ZHX3: variants seen among roughly 807,000 people sequenced by gnomAD.
ZHX3 encodes the protein zinc fingers and homeoboxes protein 3.
In ZHX3, 20 loss-of-function variants were observed where a neutral mutation model predicts 64.5. That is an observed-to-expected ratio of 0.31 (90% CI 0.22 to 0.45). The LOEUF (loss-of-function observed/expected upper bound fraction) is 0.45. Among genes scored for constraint, ZHX3 ranks in the 20% least tolerant of loss-of-function variants. The pLI, the probability that ZHX3 is intolerant of heterozygous loss-of-function variation, is 1.00. For missense variants in ZHX3, 1,041 were observed against 1,195.8 expected, an observed-to-expected ratio of 0.87 and a Z score of 1.91; for synonymous variants, 423 against 461.6, an observed-to-expected ratio of 0.92 and a Z score of 1.07.
At chr20:41,266,844 CTTTTT>C (rs11327834) in intron 2 of ZHX3, among the ~76,000 whole-genome samples, 1 of 76,464 alleles carries the variant, frequency 1.3e-5, no homozygotes, top group Non-Finnish European at 2.7e-5. Context: ...CGTGCCCGGC[CTTTTT>C]TTTTTTTTTT....
chr20:41,215,770 TAAA>T (rs55922605), intron 2 of ZHX3, among the ~76,000 whole-genome samples: 8 of 101,152 alleles, frequency 7.9e-5, no homozygotes, highest in Non-Finnish European at 1.6e-4. Flanking sequence ...ACGTCTCTAC[TAAA>T]AAAAAAAAAA....
intron 2 of ZHX3, among the ~76,000 whole-genome samples, chr20:41,241,084 C>G (rs2041351059): frequency 6.6e-6 from 1 of 152,162 alleles, no homozygotes; most frequent in Non-Finnish European, 1.5e-5. Context: ...TTTAGAGGAA[C>G]CTCCAAACTG....
chr20:41,253,237 G>C (rs558736301), intron 2 of ZHX3, among the ~76,000 whole-genome samples: 3 of 114,206 alleles, frequency 2.6e-5, no homozygotes, highest in Non-Finnish European at 5.1e-5. Context: ...TGGTTTTTGG[G>C]ACTACAGTAA....
intron 2 of ZHX3, among the ~76,000 whole-genome samples, chr20:41,221,218 C>T (rs141510276): frequency 6.2e-4 from 94 of 152,254 alleles, no homozygotes; most frequent in African/African-American, 2.1e-3. Context: ...GTAGTCTGAG[C>T]GTATTTATCA....
intron 2 of ZHX3, among the ~76,000 whole-genome samples, chr20:41,266,597 G>C (rs1217616941): frequency 2.0e-5 from 3 of 150,390 alleles, no homozygotes; most frequent in African/African-American, 7.4e-5. Context: ...CCAGGCTGGA[G>C]TGCAGTGGTG....
At chr20:41,255,150 G>T (rs1469734799) in intron 2 of ZHX3, among the ~76,000 whole-genome samples, 1 of 151,400 alleles carries the variant, frequency 6.6e-6, no homozygotes, top group Non-Finnish European at 1.5e-5. Context: ...TTGAAAAAAT[G>T]ATATATATAT....
At chr20:41,317,458 A>C (rs1431848173) in intron 1 of ZHX3, 51 bp downstream of exon 1, 1 of 149,640 alleles carries the variant, frequency 6.7e-6, no homozygotes, top group Non-Finnish European at 1.5e-5. Context: ...GACACCGGGG[A>C]CTGACAGCCG....
intron 1 of ZHX3, chr20:41,290,668 A>AG (rs2044189790): frequency 6.6e-6 from 1 of 152,250 alleles, no homozygotes; most frequent in Non-Finnish European, 1.5e-5. Context: ...AGAGAGGTGA[A>AG]GGGACCTGCC....
chr20:41,202,875 T>C lies in ZHX3; in HGVS notation c.2042A>G (p.Gln681Arg). Residue 681 changes from glutamine to arginine, a missense_variant, in exon 3 of 4, where the codon CAG becomes CGG. By Grantham distance (43) the Gln-to-Arg change is conservative. This residue lies in a region of ZHX3 where 649 missense variants were observed against 739.8 expected (regional missense o/e 0.88). Transcript: ENST00000683867. This position sits in a 1 kb window ranked among gnomAD's most constrained non-coding sequence, Gnocchi z 7.0. The stretch of plus-strand genomic sequence containing the variant: ...ATCCTCAGCAGCCTCCTCTTCCTCC[T>C]GAGAGGCATTCTCCTCAGCCTTCTT... ...ETKKAEENAS[Q>R]EEEEAAEDEG... 2 of 1,614,166 alleles carry C rather than the reference T, an allele frequency of 1.2e-6. No individual in the cohort carries two copies. The highest frequency in any genetic ancestry group is 4.5e-5 in the East Asian group (2 of 44,868).
At chr20:41,218,803 T>C (rs1161296677) in intron 2 of ZHX3, among the ~76,000 whole-genome samples, 1 of 152,200 alleles carries the variant, frequency 6.6e-6, no homozygotes, top group Non-Finnish European at 1.5e-5. Context: ...AGCCCAGAGC[T>C]GGCCTCAATT....
At chr20:41,237,666 T>C (rs1422950138) in intron 2 of ZHX3, among the ~76,000 whole-genome samples, 1 of 152,136 alleles carries the variant, frequency 6.6e-6, no homozygotes, top group Non-Finnish European at 1.5e-5. Context: ...TAATGTTAAA[T>C]GAAGAGCTAA....
At chr20:41,280,583 T>G (rs2043629271) in intron 1 of ZHX3, among the ~76,000 whole-genome samples, 1 of 152,066 alleles carries the variant, frequency 6.6e-6, no homozygotes, top group Non-Finnish European at 1.5e-5. Context: ...GTTTTTTTGT[T>G]TTTTGTTTTT....
At chr20:41,305,478 C>A (rs1045763547) in intron 1 of ZHX3, among the ~76,000 whole-genome samples, 6 of 151,952 alleles carry the variant, frequency 3.9e-5, no homozygotes, top group African/African-American at 1.5e-4. Flanking sequence ...GGCAACAGAG[C>A]AAGGCCCTGT....
At position 41,185,907 on chromosome 20, in the gene ZHX3, T is replaced by C. The variant is rs953178700; in HGVS notation, c.2861-706A>G. On this transcript the variant is annotated intron_variant, in intron 3 of 3. Coordinates refer to ENST00000683867, the MANE Select transcript of ZHX3 (RefSeq NM_001384317.1). The surrounding 1 kb of genome is among the most constrained non-coding windows in gnomAD (Gnocchi z 5.0). The stretch of plus-strand genomic sequence containing the variant: ...CACAAAGGACAGCAACATGTCACTT[T>C]GTGTTGGATTTAGTAGCTGAGGGGA... 3.3e-5 allele frequency: 5 copies of C among 152,256 alleles called. No homozygotes were observed. The highest frequency in any genetic ancestry group is 5.9e-5 in the Non-Finnish European group (4 of 68,050). The allele number at this position is 152,256 out of a possible 1,614,324, so 9.4% of individuals were successfully genotyped here.
rs2038485429 is a variant in ZHX3, at chr20:41,204,041, C to T, written c.876G>A (p.Thr292=). ...TCATCACTTTGGGAAGGGCCTTGGC[C>T]GTGGGCAGTGGCTGGTGGACATGGT... is the stretch of plus-strand genomic sequence containing the variant. ...AQHHVHQPLP[T]AKALPKVMIP... is the part of the protein sequence containing the mutation. The change falls in exon 3 of 4, where the codon ACG becomes ACA. Residue 292 remains threonine (T), a synonymous_variant. Transcript: ENST00000683867. The surrounding 1 kb of genome is among the most constrained non-coding windows in gnomAD (Gnocchi z 6.6). 3 of 1,613,838 alleles carry T rather than the reference C, an allele frequency of 1.9e-6. No homozygotes were observed. Among genetic ancestry groups the T allele is most frequent in the South Asian group, 2.2e-5 (2 of 91,040 alleles).
intron 1 of ZHX3, among the ~76,000 whole-genome samples, chr20:41,271,388 C>G (rs6072321): frequency 0.14 from 21,169 of 152,174 alleles, 1,689 homozygotes; most frequent in Non-Finnish European, 0.17. Flanking sequence ...TCCCTTCTAA[C>G]TTTAAAATTG....
intron 2 of ZHX3, among the ~76,000 whole-genome samples, chr20:41,243,256 C>T (rs1448701796): frequency 6.6e-6 from 1 of 152,150 alleles, no homozygotes; most frequent in African/African-American, 2.4e-5. Context: ...GCTACCAGCC[C>T]AGCATCAGTA....
chr20:41,231,902 C>A (rs887656044), intron 2 of ZHX3, among the ~76,000 whole-genome samples: 1 of 152,086 alleles, frequency 6.6e-6, no homozygotes, highest in African/African-American at 2.4e-5. Flanking sequence ...TAAAGTATAT[C>A]ACAGTGAAAA....
chr20:41,190,355 G>C (rs960827785), intron 3 of ZHX3, among the ~76,000 whole-genome samples: 1 of 152,078 alleles, frequency 6.6e-6, no homozygotes, highest in Non-Finnish European at 1.5e-5. Context: ...TGTATTTTTA[G>C]AGATAGGGTT....
Sources: allele counts gnomAD v4.1 joint callset (sites outside exome capture counted in the v4.1 genomes callset), GRCh38; gene constraint gnomAD v4.1.1; regional missense constraint gnomAD v4.1.1; non-coding constraint Gnocchi (gnomAD v3.1); transcripts MANE v1.5; gene names NCBI Gene and HGNC (gene_info 2026-07-23, HGNC 2026-07-21).